Variants in NAP1L4 observed in about 807,000 individuals in gnomAD.
NAP1L4 encodes the protein nucleosome assembly protein 1-like 4.
Under a neutral mutation model 58.2 loss-of-function variants are expected in NAP1L4, and 15 were observed. The observed-to-expected ratio is 0.26, with a 90% CI of 0.17 to 0.40. The LOEUF (loss-of-function observed/expected upper bound fraction) is 0.40. Ranked by LOEUF, NAP1L4 falls within the 10% of genes least tolerant of loss-of-function variation. The pLI is 1.00. For synonymous variants in NAP1L4, 171 were observed against 155.6 expected (o/e 1.10, Z -0.74); for missense variants, 384 against 451.1 (o/e 0.85, Z 1.35).
chr11:2,951,252 T>C lies in NAP1L4; in HGVS notation c.1122+7A>G. ...AAGTAGGTCTGGGTGGCCCCAAAGT[T>C]ACCAACCTTGGGGTTAATTTCCGCA... On this transcript the variant is annotated splice_region_variant and intron_variant, in intron 14 of 15. Transcript: ENST00000380542. This position sits in a 1 kb window ranked among gnomAD's most constrained non-coding sequence, Gnocchi z 4.0. 6.2e-7 allele frequency: 1 copy of C among 1,613,684 alleles called. No homozygotes were observed. Among genetic ancestry groups the C allele is most frequent in the Non-Finnish European group, 8.5e-7 (1 of 1,179,672 alleles).
At chr11:2,953,210 T>G (rs1045209132) in intron 12 of NAP1L4, among the ~76,000 whole-genome samples, 1 of 152,212 alleles carries the variant, frequency 6.6e-6, no homozygotes, top group Non-Finnish European at 1.5e-5. Flanking sequence ...GAAACGCACA[T>G]GTACTATAAG....
In NAP1L4 at chr11:2,959,900, A is replaced by C; in HGVS notation, c.616T>G (p.Leu206Val). The change falls in exon 9 of 16, where the codon TTA becomes GTA. Residue 206 changes from leucine (L) to valine (V), a missense_variant. By Grantham distance (32) the Leu-to-Val change is conservative. Transcript: ENST00000380542. This position sits in a 1 kb window ranked among gnomAD's most constrained non-coding sequence, Gnocchi z 4.9. ...SDPGQPMSFV[L>V]EFHFEPNDYF... ...TCGTTGGGTTCAAAGTGGAACTCTA[A>C]CACAAAAGACTAAAAGTAGAAATTC... 6.2e-7 allele frequency: 1 copy of C among 1,614,012 alleles called. No individual in the cohort carries two copies. Among genetic ancestry groups the C allele is most frequent in the Non-Finnish European group, 8.5e-7 (1 of 1,179,990 alleles).
chr11:2,966,010 T>C (rs1229159481), intron 7 of NAP1L4, among the ~76,000 whole-genome samples: 1 of 152,156 alleles, frequency 6.6e-6, no homozygotes, highest in African/African-American at 2.4e-5. Flanking sequence ...AAAGTCCCAG[T>C]GAGGAAAGTC....
At chr11:2,987,888 G>A (rs1341063587) in intron 1 of NAP1L4, among the ~76,000 whole-genome samples, 1 of 152,020 alleles carries the variant, frequency 6.6e-6, no homozygotes, top group Non-Finnish European at 1.5e-5. Flanking sequence ...CTCGGGATGA[G>A]ACTGGTTGCC....
intron 1 of NAP1L4, among the ~76,000 whole-genome samples, chr11:2,985,561 G>A (rs1202009007): frequency 6.6e-6 from 1 of 152,212 alleles, no homozygotes; most frequent in African/African-American, 2.4e-5. Flanking sequence ...AAAAATTGCT[G>A]AGAGTAGATG....
intron 1 of NAP1L4, among the ~76,000 whole-genome samples, chr11:2,980,233 G>T (rs917734714): frequency 3.3e-5 from 5 of 152,076 alleles, no homozygotes; most frequent in African/African-American, 7.2e-5. Context: ...AGTCACCAAG[G>T]CTGCAGTGTA....
Position 2,954,327 on chromosome 11 carries a change from CT to C in NAP1L4, c.1035+199del. ...TCTGAAACTGCTTCACAGACACCTG[CT>C]TTTCCTGCTCTGTTCCTCAGACTTC... On this transcript the variant is annotated intron_variant, in intron 12 of 15. Coordinates refer to ENST00000380542, the MANE Select transcript of NAP1L4 (RefSeq NM_005969.4). This position sits in a 1 kb window ranked among gnomAD's most constrained non-coding sequence, Gnocchi z 4.8. 2 of 777,944 alleles carry C rather than the reference CT, an allele frequency of 2.6e-6. No individual in the cohort carries two copies. The highest frequency in any genetic ancestry group is 4.2e-6 in the Non-Finnish European group (2 of 475,168). The allele number at this position is 777,944 out of a possible 1,614,324, so 48.2% of individuals were successfully genotyped here.
At chr11:2,957,070 A>T (rs1157860678) in intron 10 of NAP1L4, among the ~76,000 whole-genome samples, 1 of 151,750 alleles carries the variant, frequency 6.6e-6, no homozygotes, top group Non-Finnish European at 1.5e-5. Context: ...TAAAAGTTTT[A>T]GAATCTAAAA....
In NAP1L4 at chr11:2,964,724, G is replaced by A. The variant is rs1256451017; in HGVS notation, c.562C>T (p.Leu188=). Reference sequence around the variant, plus strand: ...GAAAATTTCACTTTAATATCCTGCAGGTGTTTCAAGATTGGTTCATCATAT... The same window carrying A: ...GAAAATTTCACTTTAATATCCTGCAAGTGTTTCAAGATTGGTTCATCATAT... ...QEYDEPILKH[L]QDIKVKFSDP... Residue 188 remains leucine, a synonymous_variant, in exon 8 of 16, where the codon CTG becomes TTG. Transcript: ENST00000380542. 3.1e-6 allele frequency: 5 copies of A among 1,613,722 alleles called. No homozygotes were observed. The Admixed American group carries it at 6.7e-5, about 22-fold the overall frequency.
intron 1 of NAP1L4, chr11:2,991,065 C>T (rs766287551): frequency 1.7e-4 from 79 of 456,134 alleles, no homozygotes; most frequent in Admixed American, 1.6e-3. Context: ...AACCAAAGCA[C>T]AGACGAATGT....
Position 2,971,634 on chromosome 11 carries a change from T to C in NAP1L4, c.316-100A>G. On this transcript the variant is annotated intron_variant, in intron 5 of 15. Coordinates refer to ENST00000380542, the MANE Select transcript of NAP1L4 (RefSeq NM_005969.4). The surrounding 1 kb of genome is among the most constrained non-coding windows in gnomAD (Gnocchi z 4.2). ...ATGTCTACTAAAAGACTTTGAAAAC[T>C]GGATATTTTTATAACTTATTTTAAG... The C allele has an allele frequency of 1.1e-6, 1 of 893,896 alleles. No homozygotes were observed. The highest frequency in any genetic ancestry group is 1.7e-5 in the African/African-American group (1 of 58,912). The allele number at this position is 893,896 out of a possible 1,614,324, so 55.4% of individuals were successfully genotyped here.
At chr11:2,953,326 C>G (rs1028169973) in intron 12 of NAP1L4, among the ~76,000 whole-genome samples, 1 of 152,226 alleles carries the variant, frequency 6.6e-6, no homozygotes, top group African/African-American at 2.4e-5. Flanking sequence ...ATGATCAAAA[C>G]AGTTTCAGAT....
chr11:2,949,346 C>A lies in NAP1L4; in HGVS notation c.1123-82G>T. On this transcript the variant is annotated intron_variant, in intron 14 of 15. Coordinates refer to ENST00000380542, the MANE Select transcript of NAP1L4 (RefSeq NM_005969.4). This position sits in a 1 kb window ranked among gnomAD's most constrained non-coding sequence, Gnocchi z 4.0. ...AAAATTATACAGGAGGAAACGGCCA[C>A]AATTTCTCATGATACAAAAGGGCTG... is the stretch of plus-strand genomic sequence containing the variant. The A allele has an allele frequency of 8.7e-7, 1 of 1,150,750 alleles. No individual in the cohort carries two copies. Among genetic ancestry groups the A allele is most frequent in the Non-Finnish European group, 1.3e-6 (1 of 760,674 alleles). 71.3% of individuals were successfully genotyped at this position (1,150,750 alleles called of 1,614,324 possible).
chr11:2,963,755 C>T (rs781176947), intron 8 of NAP1L4: 2 of 519,314 alleles, frequency 3.9e-6, no homozygotes, highest in South Asian at 1.4e-5. Flanking sequence ...CCCTAACCCA[C>T]AGCCCGTCAT....
At chr11:2,964,267 G>C (rs1004576640) in intron 8 of NAP1L4, among the ~76,000 whole-genome samples, 58 of 152,078 alleles carry the variant, frequency 3.8e-4, no homozygotes, top group African/African-American at 1.4e-3. Flanking sequence ...GAAAAGAATG[G>C]TATCATCTCC....
chr11:2,976,456 C>A (rs74869735), intron 3 of NAP1L4, among the ~76,000 whole-genome samples: 34,557 of 151,926 alleles, frequency 0.23, 4,097 homozygotes, highest in South Asian at 0.34. Flanking sequence ...TGGTCTACCC[C>A]CAAGTCCCAT....
chr11:2,965,107 G>A (rs1044560074), intron 7 of NAP1L4, among the ~76,000 whole-genome samples: 4 of 152,234 alleles, frequency 2.6e-5, no homozygotes, highest in Non-Finnish European at 5.9e-5. Context: ...TACCAACCAA[G>A]ACTGTTGGTC....
intron 1 of NAP1L4, among the ~76,000 whole-genome samples, chr11:2,988,547 T>C (rs771930527): frequency 5.3e-5 from 8 of 152,240 alleles, no homozygotes; most frequent in Non-Finnish European, 8.8e-5. Flanking sequence ...TGCAAATCAC[T>C]GAAAGCTACT....
chr11:2,964,620 C>A, intron 8 of NAP1L4, 60 bp downstream of exon 8: 2 of 1,423,884 alleles, frequency 1.4e-6, no homozygotes, highest in Non-Finnish European at 2.0e-6. Context: ...GCTCCAAGTT[C>A]TTCCATCTTT....
Sources: gnomAD v4.1 joint callset for allele counts (sites outside exome capture counted in the v4.1 genomes callset) on GRCh38, gnomAD v4.1.1 for gene constraint, Gnocchi (gnomAD v3.1) non-coding constraint, MANE v1.5 for transcripts, NCBI Gene and HGNC (gene_info 2026-07-23, HGNC 2026-07-21) for gene names.